DHX15: variants seen among roughly 807,000 people sequenced by gnomAD.
DHX15 encodes the protein DEAH-box helicase 15, also known as ATP-dependent RNA helicase DHX15.
A neutral mutation model predicts 94.4 loss-of-function variants in DHX15; 11 were observed. The observed-to-expected ratio is 0.12, with a 90% CI of 0.07 to 0.19. The LOEUF is 0.19. Among genes scored for constraint, DHX15 ranks in the 10% least tolerant of loss-of-function variants. DHX15 has a pLI of 1.00. For synonymous variants in DHX15, 338 were observed against 329.9 expected (o/e 1.02, Z -0.27); for missense variants, 304 against 988.5 (o/e 0.31, Z 9.29).
chr4:24,548,744 A>T (rs1031771143), intron 6 of DHX15, 111 bp downstream of exon 6: 2 of 1,039,486 alleles, frequency 1.9e-6, no homozygotes, highest in African/African-American at 3.2e-5. Context: ...ATTTTGTTGT[A>T]TAAAACCTAG....
At chr4:24,532,810 A>G in intron 12 of DHX15, 54 bp downstream of exon 12, 1 of 1,339,098 alleles carries the variant, frequency 7.5e-7, no homozygotes, top group Non-Finnish European at 1.0e-6. Context: ...GACTGTTAAT[A>G]GAAATCAGTG....
intron 6 of DHX15, among the ~76,000 whole-genome samples, chr4:24,547,335 TC>T (rs1184433682): frequency 6.6e-6 from 1 of 152,208 alleles, no homozygotes; most frequent in African/African-American, 2.4e-5. Context: ...TCATCACATA[TC>T]CAGCCACTGC....
At position 24,555,007 on chromosome 4, in the gene DHX15, A is replaced by G. The variant is rs570814048; in HGVS notation, c.862-64T>C. On this transcript the variant is annotated intron_variant, in intron 4 of 13. Transcript: ENST00000336812. ...GGATTCTTACATGGTCTTACAGTAT[A>G]GCAATATTTACTATTCTACATATAT... 9.4e-4 allele frequency: 1,222 copies of G among 1,295,372 alleles called. 4 individuals are homozygous for G. The highest frequency in any genetic ancestry group is 3.9e-3 in the Middle Eastern group (21 of 5,354). 80.2% of individuals were successfully genotyped at this position (1,295,372 alleles called of 1,614,324 possible).
At position 24,547,949 on chromosome 4, in the gene DHX15, C is replaced by CTATATCTA. The variant is rs1560766042; in HGVS notation, c.1248+898_1248+905dup. Among the ~76,000 whole-genome samples the CTATATCTA allele has an allele frequency of 9.2e-4, 84 of 91,308 alleles. 2 individuals are homozygous for CTATATCTA. The highest frequency in any genetic ancestry group is 3.0e-3 in the African/African-American group (68 of 22,876). 59.9% of individuals were successfully genotyped at this position (91,308 alleles called of 152,430 possible). On this transcript the variant is annotated intron_variant, in intron 6 of 13. Coordinates refer to ENST00000336812, the MANE Select transcript of DHX15 (RefSeq NM_001358.3). ...TATATATATATATATATATCTATAT[C>CTATATCTA]TATATCTATATCTATCTGCTGATGG...
chr4:24,545,045 A>C (rs1027998463), intron 6 of DHX15, among the ~76,000 whole-genome samples: 4 of 152,162 alleles, frequency 2.6e-5, no homozygotes, highest in African/African-American at 9.7e-5. Flanking sequence ...CAGGAGGTTC[A>C]GGTTGCAGTG....
chr4:24,558,011 C>T (rs1003838611), intron 3 of DHX15, among the ~76,000 whole-genome samples: 1 of 151,544 alleles, frequency 6.6e-6, no homozygotes, highest in African/African-American at 2.4e-5. Context: ...GTTACTCTTC[C>T]AACATTTGCT....
At chr4:24,581,708 G>A (rs1159405315) in intron 1 of DHX15, among the ~76,000 whole-genome samples, 1 of 151,110 alleles carries the variant, frequency 6.6e-6, no homozygotes, top group Non-Finnish European at 1.5e-5. Context: ...TTATCAGGTG[G>A]TAATATCAAA....
chr4:24,567,741 G>T (rs1722025912), intron 3 of DHX15, among the ~76,000 whole-genome samples: 1 of 152,130 alleles, frequency 6.6e-6, no homozygotes, highest in Non-Finnish European at 1.5e-5. Context: ...TCCCTGACTG[G>T]TAAGCTCTTT....
chr4:24,568,048 T>C (rs1224939614), intron 3 of DHX15, among the ~76,000 whole-genome samples: 5 of 152,192 alleles, frequency 3.3e-5, no homozygotes, highest in African/African-American at 1.2e-4. Context: ...TCCCAAACAC[T>C]GAAGAAACTA....
Position 24,541,990 on chromosome 4 carries a change from A to G in DHX15, c.1368T>C (p.Leu456=). 1 of 1,612,112 alleles carries G rather than the reference A, an allele frequency of 6.2e-7. No individual in the cohort carries two copies. The highest frequency in any genetic ancestry group is 8.5e-7 in the Non-Finnish European group (1 of 1,178,658). Residue 456 remains leucine, a synonymous_variant, in exon 8 of 14, where the codon CTT becomes CTC. Transcript: ENST00000336812. ...VYNPRIRVES[L]LVTAISKASA... ...AAGCTTTACTAATAGCTGTCACCAA[A>G]AGGGACTCAACTCTGATTCGAGGAT...
Position 24,543,389 on chromosome 4 carries a change from C to G in DHX15, c.1249-363G>C, listed in dbSNP as rs976212367. ...TAAAACAGCCCTTATAATTAGTATT[C>G]AAATTTCCACAAGTGTATATTTCAA... On this transcript the variant is annotated intron_variant, in intron 6 of 13. Coordinates refer to ENST00000336812, the MANE Select transcript of DHX15 (RefSeq NM_001358.3). Among the ~76,000 whole-genome samples, 5 of 152,206 alleles carry G rather than the reference C, an allele frequency of 3.3e-5. No individual in the cohort carries two copies. In the East Asian group the frequency reaches 9.6e-4, roughly 29 times the overall value.
chr4:24,555,928 T>C (rs1051914409), intron 4 of DHX15, among the ~76,000 whole-genome samples: 3 of 150,450 alleles, frequency 2.0e-5, no homozygotes, highest in African/African-American at 7.5e-5. Context: ...GGGAGAAAGA[T>C]TTGATCCTTA....
At chr4:24,542,596 A>G (rs1421012861) in intron 7 of DHX15, among the ~76,000 whole-genome samples, 1 of 152,204 alleles carries the variant, frequency 6.6e-6, no homozygotes, top group Non-Finnish European at 1.5e-5. Flanking sequence ...AGTAACTCTA[A>G]TAATGTTGGG....
chr4:24,549,827 C>G (rs1180217973), intron 5 of DHX15, among the ~76,000 whole-genome samples: 1 of 152,058 alleles, frequency 6.6e-6, no homozygotes, highest in African/African-American at 2.4e-5. Context: ...GGCACAGTGG[C>G]TCACACCTGT....
chr4:24,552,173 G>A (rs1218846140), intron 5 of DHX15, among the ~76,000 whole-genome samples: 1 of 152,164 alleles, frequency 6.6e-6, no homozygotes, highest in African/African-American at 2.4e-5. Flanking sequence ...GAAACAGGTA[G>A]TGGAGGAAAA....
At chr4:24,562,889 A>C (rs1047795544) in intron 3 of DHX15, among the ~76,000 whole-genome samples, 35 of 152,310 alleles carry the variant, frequency 2.3e-4, no homozygotes, top group African/African-American at 8.2e-4. Flanking sequence ...AGAGCCTAGA[A>C]ACCAAGCATT....
chr4:24,560,585 G>A (rs1721852731), intron 3 of DHX15, among the ~76,000 whole-genome samples: 1 of 152,082 alleles, frequency 6.6e-6, no homozygotes, highest in Admixed American at 6.5e-5. Flanking sequence ...TGCTAATTCT[G>A]TTATAAGCTC....
chr4:24,576,103 G>A lies in DHX15; in HGVS notation c.507+140C>T, dbSNP rs1365163061. ...TAGGATTTCCACTCTGAAATTCAGA[G>A]TGCCAATTAAACATCAAATCAGCTA... is the stretch of plus-strand genomic sequence containing the variant. On this transcript the variant is annotated intron_variant, in intron 2 of 13. Coordinates refer to ENST00000336812, the MANE Select transcript of DHX15 (RefSeq NM_001358.3). 1.5e-5 allele frequency: 10 copies of A among 667,330 alleles called. No individual in the cohort carries two copies. The African/African-American group carries it at 1.8e-4, about 12-fold the overall frequency. The allele number at this position is 667,330 out of a possible 1,614,324, so 41.3% of individuals were successfully genotyped here.
chr4:24,530,150 T>C (rs1007304403), intron 12 of DHX15: 10 of 272,018 alleles, frequency 3.7e-5, no homozygotes, highest in Non-Finnish European at 5.5e-5. Flanking sequence ...GAGCAGGCAG[T>C]GTTAGGTAGT....
Sources: gnomAD v4.1 joint callset for allele counts (sites outside exome capture counted in the v4.1 genomes callset) on GRCh38, gnomAD v4.1.1 for gene constraint, MANE v1.5 for transcripts, NCBI Gene and HGNC (gene_info 2026-07-23, HGNC 2026-07-21) for gene names.